Variants in XIRP2 observed in about 807,000 individuals in gnomAD.
XIRP2 encodes xin actin-binding repeat-containing protein 2.
Under a neutral mutation model 277.0 loss-of-function variants are expected in XIRP2, and 236 were observed. The observed-to-expected ratio is 0.85, with a 90% confidence interval of 0.77 to 0.95. XIRP2 has a LOEUF of 0.95. Among genes scored for constraint, XIRP2 ranks in the 40% least tolerant of loss-of-function variants. XIRP2 has a pLI of 0.00. For synonymous variants in XIRP2, 1,490 were observed against 1,416.5 expected, an observed-to-expected ratio of 1.05 and a Z score of -1.17; for missense variants, 4,640 against 4,157.5, an observed-to-expected ratio of 1.12 and a Z score of -3.19.
At chr2:166,939,695 A>G (rs1301619313) in intron 2 of XIRP2, among the ~76,000 whole-genome samples, 1 of 136,022 alleles carries the variant, frequency 7.4e-6, no homozygotes, top group African/African-American at 2.7e-5. Flanking sequence ...AAAAAAAAAA[A>G]AAACAAAAAA....
intron 2 of XIRP2, among the ~76,000 whole-genome samples, chr2:166,983,192 A>T (rs926364507): frequency 6.6e-6 from 1 of 152,032 alleles, no homozygotes; most frequent in Non-Finnish European, 1.5e-5. Flanking sequence ...AATCCTATTG[A>T]TCTATCTTTA....
intron 2 of XIRP2, among the ~76,000 whole-genome samples, chr2:166,970,227 G>A (rs961954908): frequency 3.3e-5 from 5 of 151,954 alleles, no homozygotes; most frequent in Non-Finnish European, 5.9e-5. Flanking sequence ...GATATGAAAA[G>A]TTCTTGTTGA....
chr2:167,232,118 A>G (rs1464572111), intron 5 of XIRP2, among the ~76,000 whole-genome samples: 1 of 152,058 alleles, frequency 6.6e-6, no homozygotes, highest in Admixed American at 6.6e-5. Flanking sequence ...ACTGATATAA[A>G]GATAAATTAT....
intron 2 of XIRP2, among the ~76,000 whole-genome samples, chr2:167,056,456 G>A (rs909867072): frequency 7.9e-5 from 12 of 152,148 alleles, no homozygotes; most frequent in South Asian, 2.1e-4. Flanking sequence ...GAGATGTAAA[G>A]TTTCCTTCTA....
intron 2 of XIRP2, among the ~76,000 whole-genome samples, chr2:167,003,612 T>C (rs1432842599): frequency 6.6e-6 from 1 of 151,806 alleles, no homozygotes; most frequent in East Asian, 1.9e-4. Context: ...TTATTATGAG[T>C]GAAAATATTT....
At chr2:167,026,265 CT>C (rs1463647333) in intron 2 of XIRP2, among the ~76,000 whole-genome samples, 8 of 152,084 alleles carry the variant, frequency 5.3e-5, no homozygotes, top group Non-Finnish European at 1.2e-4. Context: ...TTATCAGAGA[CT>C]AGGATTGCAA....
intron 3 of XIRP2, among the ~76,000 whole-genome samples, chr2:167,159,655 C>G (rs1330183611): frequency 6.6e-6 from 1 of 151,824 alleles, no homozygotes; most frequent in Non-Finnish European, 1.5e-5. Flanking sequence ...ATTTAACATG[C>G]CTGTATCTAT....
chr2:166,902,218 TAA>T (rs1447706192), intron 1 of XIRP2, among the ~76,000 whole-genome samples: 1 of 152,078 alleles, frequency 6.6e-6, no homozygotes, highest in Admixed American at 6.6e-5. Context: ...ACATTATCTT[TAA>T]AAGTGAAGGA....
At chr2:167,011,705 AC>A (rs1383617220) in intron 2 of XIRP2, among the ~76,000 whole-genome samples, 3 of 149,638 alleles carry the variant, frequency 2.0e-5, no homozygotes, top group Non-Finnish European at 4.5e-5. Flanking sequence ...CTGGTCCTGG[AC>A]TCTTTTTGGT....
intron 2 of XIRP2, among the ~76,000 whole-genome samples, chr2:167,056,755 C>G (rs777658295): frequency 2.6e-5 from 4 of 151,908 alleles, no homozygotes; most frequent in Non-Finnish European, 5.9e-5. Context: ...CATTTTTTGT[C>G]TGAGCTTAGA....
chr2:167,023,775 G>A (rs1011720611), intron 2 of XIRP2, among the ~76,000 whole-genome samples: 1 of 152,036 alleles, frequency 6.6e-6, no homozygotes, highest in Non-Finnish European at 1.5e-5. Context: ...TAGATATGCG[G>A]CATTATTTCT....
chr2:167,019,588 C>A (rs774425899), intron 2 of XIRP2, among the ~76,000 whole-genome samples: 3 of 152,060 alleles, frequency 2.0e-5, no homozygotes, highest in Non-Finnish European at 2.9e-5. Context: ...TCTCAATTAG[C>A]TAGCCAGGGT....
intron 3 of XIRP2, among the ~76,000 whole-genome samples, chr2:167,154,216 A>C (rs1692112433): frequency 1.3e-5 from 2 of 149,042 alleles, no homozygotes; most frequent in African/African-American, 5.0e-5. Flanking sequence ...TCTTTTGAGA[A>C]GTGTCTGTTC....
intron 1 of XIRP2, among the ~76,000 whole-genome samples, chr2:166,897,545 A>T (rs1054004999): frequency 2.6e-5 from 4 of 152,180 alleles, no homozygotes; most frequent in Non-Finnish European, 4.4e-5. Flanking sequence ...CACGTAAGTT[A>T]AACAAAATAA....
chr2:167,191,185 CAAAAAAA>C (rs931552422), intron 3 of XIRP2, among the ~76,000 whole-genome samples: 2 of 46,916 alleles, frequency 4.3e-5, no homozygotes, highest in Non-Finnish European at 9.4e-5. Context: ...GACCCTGTCT[CAAAAAAA>C]AAAAAAAAAA....
At chr2:167,097,297 A>G (rs779675650) in intron 2 of XIRP2, among the ~76,000 whole-genome samples, 1 of 152,146 alleles carries the variant, frequency 6.6e-6, no homozygotes, top group Non-Finnish European at 1.5e-5. Flanking sequence ...ACCATTATGT[A>G]ATGGCCTTCT....
chr2:167,033,164 A>G (rs949341799), intron 2 of XIRP2, among the ~76,000 whole-genome samples: 2 of 152,148 alleles, frequency 1.3e-5, no homozygotes, highest in Non-Finnish European at 2.9e-5. Context: ...GCTGGAAAGC[A>G]TCATTCTCAG....
In XIRP2 at chr2:167,135,996, A is replaced by C. The variant is rs1235676821; in HGVS notation, c.496A>C (p.Lys166Gln). The change falls in exon 3 of 11, where the codon AAG becomes CAG. Residue 166 changes from lysine to glutamine, a missense_variant. Lys to Gln is a moderately conservative substitution (Grantham distance 53, BLOSUM62 1). Transcript: ENST00000409195. ...QLEDSVKDSD[K>Q]KGKETSFDKM... ...GGAGGATTCTGTGAAAGATTCAGAC[A>C]AGAAAGGCAAGGAAACATCTTTTGA... 6.2e-7 allele frequency: 1 copy of C among 1,612,344 alleles called. No individual in the cohort carries two copies. Among genetic ancestry groups the C allele is most frequent in the Non-Finnish European group, 8.5e-7 (1 of 1,179,230 alleles).
At chr2:167,069,849 G>A (rs16852935) in intron 2 of XIRP2, among the ~76,000 whole-genome samples, 29,900 of 152,032 alleles carry the variant, frequency 0.2, 5,920 homozygotes, top group African/African-American at 0.51. Context: ...ACTTCCTTCA[G>A]ACAGATGATT....
Sources: allele counts gnomAD v4.1 joint callset (sites outside exome capture counted in the v4.1 genomes callset), GRCh38; gene constraint gnomAD v4.1.1; transcripts MANE v1.5; gene names NCBI Gene and HGNC (gene_info 2026-07-23, HGNC 2026-07-21).